The following AGBL4 variants were observed in gnomAD, a reference collection of about 807,000 sequenced individuals.
AGBL4 encodes cytosolic carboxypeptidase 6.
In AGBL4, 58 loss-of-function variants were observed where a neutral mutation model predicts 66.4. The ratio of observed to expected loss-of-function variants is 0.87; its 90% CI spans 0.71 to 1.09. The LOEUF (loss-of-function observed/expected upper bound fraction) is 1.09. Among genes scored for constraint, AGBL4 ranks in the 50% least tolerant of loss-of-function variants. The pLI is 0.00. For synonymous variants in AGBL4, 234 were observed against 222.9 expected (o/e 1.05, Z -0.44); for missense variants, 579 against 631.0 (o/e 0.92, Z 0.88).
chr1:48,889,568 T>A (rs2148853882), intron 5 of AGBL4, among the ~76,000 whole-genome samples: 1 of 152,322 alleles, frequency 6.6e-6, no homozygotes. Context: ...TATAAGGCTT[T>A]CGGACTGTCT....
intron 1 of AGBL4, among the ~76,000 whole-genome samples, chr1:49,891,819 C>T (rs1223103036): frequency 6.6e-6 from 1 of 152,134 alleles, no homozygotes; most frequent in Non-Finnish European, 1.5e-5. Flanking sequence ...CCATTCATTC[C>T]CATGCCACTA....
intron 1 of AGBL4, among the ~76,000 whole-genome samples, chr1:49,924,081 A>G (rs974600848): frequency 3.3e-5 from 5 of 152,232 alleles, no homozygotes; most frequent in Admixed American, 2.0e-4. Flanking sequence ...ATGTCCATCA[A>G]TGATAGACTG....
chr1:49,369,192 C>T (rs189706849), intron 3 of AGBL4, among the ~76,000 whole-genome samples: 133 of 152,290 alleles, frequency 8.7e-4, no homozygotes, highest in Non-Finnish European at 1.5e-3. Context: ...GACTACTGCT[C>T]CTTCACTAGA....
chr1:49,709,199 G>C (rs1647440646), intron 2 of AGBL4, among the ~76,000 whole-genome samples: 1 of 152,230 alleles, frequency 6.6e-6, no homozygotes, highest in Non-Finnish European at 1.5e-5. Context: ...AAAGATGGGA[G>C]TTTTATCTAT....
At chr1:49,110,794 T>C (rs1645391095) in intron 4 of AGBL4, among the ~76,000 whole-genome samples, 1 of 152,216 alleles carries the variant, frequency 6.6e-6, no homozygotes, top group Non-Finnish European at 1.5e-5. Context: ...CTTCTGCATA[T>C]GCATATGCTT....
chr1:49,963,492 T>C (rs1030990066), intron 1 of AGBL4, among the ~76,000 whole-genome samples: 1 of 152,196 alleles, frequency 6.6e-6, no homozygotes, highest in East Asian at 1.9e-4. Context: ...ATCAGTTAGC[T>C]AGCTCCCAAC....
chr1:49,543,578 C>A (rs2148827024), intron 3 of AGBL4, among the ~76,000 whole-genome samples: 1 of 152,204 alleles, frequency 6.6e-6, no homozygotes, highest in Admixed American at 6.5e-5. Context: ...GCTAATATAT[C>A]AGCAAGAGTG....
chr1:48,761,237 G>A, intron 6 of AGBL4: 1 of 1,233,566 alleles, frequency 8.1e-7, no homozygotes, highest in Non-Finnish European at 1.1e-6. Context: ...GATACCAGGG[G>A]ACATTTACAT....
chr1:48,852,424 G>A (rs1011011422), intron 6 of AGBL4, among the ~76,000 whole-genome samples: 1 of 152,166 alleles, frequency 6.6e-6, no homozygotes. Flanking sequence ...ACCACCCTCC[G>A]TGACATGCCC....
intron 2 of AGBL4, among the ~76,000 whole-genome samples, chr1:49,737,704 TCCTA>T (rs1650015982): frequency 6.6e-6 from 1 of 152,196 alleles, no homozygotes; most frequent in Admixed American, 6.5e-5. Flanking sequence ...TGTAACAAAA[TCCTA>T]GTAATTCCTT....
chr1:48,545,702 G>T (rs10465819), intron 11 of AGBL4, among the ~76,000 whole-genome samples: 63,236 of 152,006 alleles, frequency 0.42, 13,762 homozygotes, highest in South Asian at 0.51. Flanking sequence ...ACATGGGGAA[G>T]ATGGAATCAA....
chr1:48,539,318 G>A (rs1220531436), intron 12 of AGBL4, among the ~76,000 whole-genome samples: 1 of 152,172 alleles, frequency 6.6e-6, no homozygotes, highest in East Asian at 1.9e-4. Flanking sequence ...CAGAGGATGA[G>A]GTATCAGGAG....
intron 4 of AGBL4, among the ~76,000 whole-genome samples, chr1:49,104,748 T>G (rs547827757): frequency 6.6e-6 from 1 of 152,280 alleles, no homozygotes; most frequent in Admixed American, 6.5e-5. Flanking sequence ...TACATCACTC[T>G]AGGCATGAAC....
At chr1:49,139,074 G>A (rs1468592468) in intron 4 of AGBL4, among the ~76,000 whole-genome samples, 2 of 152,040 alleles carry the variant, frequency 1.3e-5, no homozygotes, top group African/African-American at 4.8e-5. Context: ...CAGATCTCAT[G>A]AGAACTCGCT....
At chr1:49,610,473 C>G (rs1257334508) in intron 3 of AGBL4, among the ~76,000 whole-genome samples, 1 of 152,152 alleles carries the variant, frequency 6.6e-6, no homozygotes, top group Non-Finnish European at 1.5e-5. Flanking sequence ...CAAAGCCACA[C>G]CAAACTGCTA....
intron 12 of AGBL4, among the ~76,000 whole-genome samples, chr1:48,538,864 G>A (rs1644015092): frequency 6.6e-6 from 1 of 152,196 alleles, no homozygotes; most frequent in African/African-American, 2.4e-5. Flanking sequence ...GCCGGGAGTT[G>A]GGCATTGTCA....
At chr1:49,050,139 G>C (rs2147886087) in intron 4 of AGBL4, among the ~76,000 whole-genome samples, 1 of 152,076 alleles carries the variant, frequency 6.6e-6, no homozygotes, top group South Asian at 2.1e-4. Flanking sequence ...GGGACTAAAG[G>C]CTGATCCAGC....
At chr1:49,156,743 A>G (rs990774026) in intron 4 of AGBL4, among the ~76,000 whole-genome samples, 2 of 152,222 alleles carry the variant, frequency 1.3e-5, no homozygotes, top group East Asian at 3.8e-4. Flanking sequence ...ATCGATTAAT[A>G]TAACCTTATC....
chr1:48,680,355 T>A (rs1048834528), intron 6 of AGBL4, among the ~76,000 whole-genome samples: 1 of 152,210 alleles, frequency 6.6e-6, no homozygotes, highest in East Asian at 1.9e-4. Context: ...GAGCTCAAGA[T>A]AGAGCTTTTT....
Sources: allele counts gnomAD v4.1 joint callset (sites outside exome capture counted in the v4.1 genomes callset), GRCh38; gene constraint gnomAD v4.1.1; transcripts MANE v1.5; gene names NCBI Gene and HGNC (gene_info 2026-07-23, HGNC 2026-07-21).